The following TBC1D22A variants were observed in gnomAD, a reference collection of about 807,000 sequenced individuals.
TBC1D22A encodes putative GTPase activator.
A neutral mutation model predicts 60.2 loss-of-function variants in TBC1D22A; 38 were observed. The ratio of observed to expected loss-of-function variants is 0.63; its 90% confidence interval spans 0.49 to 0.83. The LOEUF (loss-of-function observed/expected upper bound fraction) is 0.83, where lower values mean the gene tolerates loss of function less well. Ranked by LOEUF, TBC1D22A falls within the 40% of genes least tolerant of loss-of-function variation. The pLI, the probability that TBC1D22A is intolerant of heterozygous loss-of-function variation, is 0.00. For missense variants in TBC1D22A, 628 were observed against 701.0 expected (o/e 0.90, Z 1.18); for synonymous variants, 302 against 281.7 (o/e 1.07, Z -0.72).
chr22:46,981,185 A>G (rs1416352212), intron 9 of TBC1D22A, among the ~76,000 whole-genome samples: 1 of 152,238 alleles, frequency 6.6e-6, no homozygotes, highest in African/African-American at 2.4e-5. Flanking sequence ...ACCAGGGAAG[A>G]GTTAATCTTG....
Position 46,974,318 on chromosome 22 carries a change from C to T in TBC1D22A, c.1044C>T (p.Val348=), listed in dbSNP as rs2074200148. 6.2e-7 allele frequency: 1 copy of T among 1,603,238 alleles called. No individual in the cohort carries two copies. Among genetic ancestry groups the T allele is most frequent in the East Asian group, 2.2e-5 (1 of 44,450 alleles). Residue 348 remains valine (V), a synonymous_variant, in exon 9 of 13, where the codon GTC becomes GTT. Transcript: ENST00000337137. ...CAGAGGAGGTGGACACGGTGGACGTCTCCGGCGTGCCCGCAGAGGTGCTGT... is the reference window on the plus strand; with the variant it reads ...CAGAGGAGGTGGACACGGTGGACGTTTCCGGCGTGCCCGCAGAGGTGCTGT... The part of the protein sequence containing the change: ...IEAEEVDTVD[V]SGVPAEVLCN...
intron 11 of TBC1D22A, among the ~76,000 whole-genome samples, chr22:47,080,015 A>T (rs796500038): frequency 6.6e-6 from 1 of 152,244 alleles, no homozygotes; most frequent in African/African-American, 2.4e-5. Context: ...ATACTTTGGC[A>T]TACTACCACA....
At chr22:46,888,949 C>T (rs2068256263) in intron 5 of TBC1D22A, among the ~76,000 whole-genome samples, 2 of 152,244 alleles carry the variant, frequency 1.3e-5, no homozygotes, top group Non-Finnish European at 1.5e-5. Context: ...CGTGATCTGC[C>T]TGCCTCGGCC....
intron 4 of TBC1D22A, among the ~76,000 whole-genome samples, chr22:46,817,266 T>TG (rs1161383083): frequency 8.6e-5 from 13 of 151,992 alleles, no homozygotes; most frequent in African/African-American, 3.1e-4. Flanking sequence ...TGTCCTTTTT[T>TG]TTTTTCTTTA....
At chr22:46,866,748 G>C (rs945850936) in intron 4 of TBC1D22A, among the ~76,000 whole-genome samples, 22 of 152,206 alleles carry the variant, frequency 1.4e-4, no homozygotes, top group African/African-American at 5.1e-4. Context: ...GACAGCTGAT[G>C]AGACAGCCCT....
rs552085433 is a variant in TBC1D22A at position 47,151,208 on chromosome 22, A to C, written c.1426-22290A>C. ...CTCACCAGACTGTTGATCTGAACAC[A>C]CTTTTAAACGCTGCGTGGTGTGGGG... is the stretch of plus-strand genomic sequence containing the variant. On this transcript the variant is annotated intron_variant, in intron 12 of 12. Transcript: ENST00000337137. 3.3e-5 allele frequency among the ~76,000 whole-genome samples: 5 copies of C among 152,218 alleles called. No individual in the cohort carries two copies. The East Asian group carries it at 7.8e-4, about 24-fold the overall frequency.
chr22:46,848,447 A>G (rs1253324313), intron 4 of TBC1D22A, among the ~76,000 whole-genome samples: 1 of 152,198 alleles, frequency 6.6e-6, no homozygotes, highest in Non-Finnish European at 1.5e-5. Flanking sequence ...TTGTATAAGA[A>G]GTTTAAGTGA....
intron 1 of TBC1D22A, among the ~76,000 whole-genome samples, chr22:46,776,323 C>T (rs1214162994): frequency 3.3e-5 from 5 of 151,854 alleles, no homozygotes; most frequent in Non-Finnish European, 7.4e-5. Flanking sequence ...CAGAGGTGTG[C>T]GTGGAAGTAG....
chr22:47,098,197 T>G (rs1022742117), intron 11 of TBC1D22A, among the ~76,000 whole-genome samples: 1 of 152,210 alleles, frequency 6.6e-6, no homozygotes, highest in African/African-American at 2.4e-5. Flanking sequence ...TTCCCTTAAC[T>G]AGAGAGATGT....
At position 47,120,006 on chromosome 22, in the gene TBC1D22A, A is replaced by G. The variant is rs562343622; in HGVS notation, c.1425+8403A>G. Among the ~76,000 whole-genome samples, 6 of 152,290 alleles carry G rather than the reference A, an allele frequency of 3.9e-5. No individual in the cohort carries two copies. The South Asian group carries it at 1.0e-3, about 26-fold the overall frequency. ...ATTCATGAGGCCTGCCTTCATCAAT[A>G]TTATAAAATAAAAAATATCCCATAA... On this transcript the variant is annotated intron_variant, in intron 12 of 12. Transcript: ENST00000337137.
intron 4 of TBC1D22A, among the ~76,000 whole-genome samples, chr22:46,876,043 G>A (rs935265924): frequency 1.3e-5 from 2 of 152,170 alleles, no homozygotes; most frequent in African/African-American, 4.8e-5. Context: ...CAGGTCTTGC[G>A]ATGGGCCCTG....
At chr22:46,842,452 T>G (rs547103308) in intron 4 of TBC1D22A, among the ~76,000 whole-genome samples, 38 of 152,256 alleles carry the variant, frequency 2.5e-4, no homozygotes, top group Non-Finnish European at 5.1e-4. Context: ...CATCTCTCTT[T>G]CTGTCTCTGT....
intron 8 of TBC1D22A, among the ~76,000 whole-genome samples, chr22:46,969,714 G>C (rs560781774): frequency 6.6e-6 from 1 of 152,078 alleles, no homozygotes; most frequent in Non-Finnish European, 1.5e-5. Context: ...ACCACCTTGC[G>C]GGCTCTTTGG....
intron 4 of TBC1D22A, among the ~76,000 whole-genome samples, chr22:46,807,344 ACT>A (rs2147002702): frequency 6.6e-6 from 1 of 151,244 alleles, no homozygotes; most frequent in Admixed American, 6.6e-5. Flanking sequence ...AGTGATACCA[ACT>A]CTCCTGCTTG....
intron 10 of TBC1D22A, among the ~76,000 whole-genome samples, chr22:47,033,555 C>T (rs1314180722): frequency 2.0e-5 from 3 of 152,284 alleles, no homozygotes; most frequent in East Asian, 1.9e-4. Flanking sequence ...GACCAGCTCA[C>T]ACCCCAGGGT....
At chr22:46,878,347 A>G (rs1411945497) in intron 4 of TBC1D22A, among the ~76,000 whole-genome samples, 9 of 11,562 alleles carry the variant, frequency 7.8e-4, no homozygotes, top group Admixed American at 1.1e-3. Context: ...GGTGGGAGGG[A>G]AGGAGGCCAG....
intron 11 of TBC1D22A, among the ~76,000 whole-genome samples, chr22:47,046,979 A>C (rs2063055951): frequency 6.6e-6 from 1 of 152,220 alleles, no homozygotes; most frequent in African/African-American, 2.4e-5. Flanking sequence ...ATTTTTGGTA[A>C]GCTTTCAGAT....
At position 46,922,773 on chromosome 22, in the gene TBC1D22A, C is replaced by T. The variant is rs527243012; in HGVS notation, c.1015+10585C>T. On this transcript the variant is annotated intron_variant, in intron 8 of 12. Coordinates refer to ENST00000337137, the MANE Select transcript of TBC1D22A (RefSeq NM_014346.5). Reference sequence around the variant, plus strand: ...TACAGAAATACTACTGCTTTTTGTACATTGATTTTTGTATTCTAAAATTTT... The same window carrying T: ...TACAGAAATACTACTGCTTTTTGTATATTGATTTTTGTATTCTAAAATTTT... 2.8e-4 allele frequency among the ~76,000 whole-genome samples: 43 copies of T among 152,224 alleles called. No individual in the cohort carries two copies. The South Asian group carries it at 7.3e-3, about 26-fold the overall frequency.
At chr22:46,865,793 G>T (rs1244361658) in intron 4 of TBC1D22A, among the ~76,000 whole-genome samples, 1 of 152,156 alleles carries the variant, frequency 6.6e-6, no homozygotes, top group Non-Finnish European at 1.5e-5. Context: ...CTTACTCTTT[G>T]TTCTGGGGCG....
Sources: allele counts gnomAD v4.1 joint callset (sites outside exome capture counted in the v4.1 genomes callset), GRCh38; gene constraint gnomAD v4.1.1; transcripts MANE v1.5; gene names NCBI Gene and HGNC (gene_info 2026-07-23, HGNC 2026-07-21).